IST1: variants seen among roughly 807,000 people sequenced by gnomAD.
The protein encoded by IST1 is IST1 homolog.
IST1 carries 23 observed loss-of-function variants against 37.0 expected under a neutral mutation model. The observed-to-expected ratio is 0.62, with a 90% CI of 0.45 to 0.88. The LOEUF (loss-of-function observed/expected upper bound fraction) is 0.88, where lower values mean the gene tolerates loss of function less well. Among genes scored for constraint, IST1 ranks in the 40% least tolerant of loss-of-function variants. The pLI is 0.00. For missense variants in IST1, 488 were observed against 445.4 expected (o/e 1.10, Z -0.86); for synonymous variants, 180 against 161.7 (o/e 1.11, Z -0.86).
intron 6 of IST1, 60 bp downstream of exon 6, chr16:71,921,513 A>C: frequency 2.2e-6 from 2 of 912,288 alleles, no homozygotes; most frequent in Non-Finnish European, 3.3e-6. Context: ...TCTTTGGAAA[A>C]CAAAAAAAAC....
chr16:71,927,501 A>AG (rs1052457753), intron 9 of IST1, 113 bp from the exon 10 acceptor site: 2 of 797,512 alleles, frequency 2.5e-6, no homozygotes, highest in Non-Finnish European at 4.1e-6. Flanking sequence ...AAAAAAAAAA[A>AG]AGTTTGTGAA....
At position 71,927,595 on chromosome 16, in the gene IST1, T is replaced by C. The variant is rs577945446; in HGVS notation, c.902-19T>C. 147 of 1,576,222 alleles carry C rather than the reference T, an allele frequency of 9.3e-5. No individual in the cohort carries two copies. In the South Asian group the frequency reaches 1.5e-3, roughly 16 times the overall value. ...CATTTCTCTGGTATTTGTAACGTTGTGCTCCTTGCCCTAATTAGGTCCTGG... is the reference window on the plus strand; with the variant it reads ...CATTTCTCTGGTATTTGTAACGTTGCGCTCCTTGCCCTAATTAGGTCCTGG... On this transcript the variant is annotated intron_variant, in intron 9 of 9. Transcript: ENST00000378799.
At chr16:71,913,298 C>G (rs189269534) in intron 1 of IST1, among the ~76,000 whole-genome samples, 1 of 151,730 alleles carries the variant, frequency 6.6e-6, no homozygotes, top group Non-Finnish European at 1.5e-5. Context: ...TTGATAGTAG[C>G]CATCCTAATG....
At chr16:71,908,387 C>A (rs1002885112) in intron 1 of IST1, among the ~76,000 whole-genome samples, 2 of 147,790 alleles carry the variant, frequency 1.4e-5, no homozygotes, top group African/African-American at 5.0e-5. Flanking sequence ...GCAACCTCCG[C>A]CTCCCCAGTT....
intron 5 of IST1, 173 bp downstream of exon 5, chr16:71,920,995 C>T: frequency 1.5e-6 from 1 of 658,360 alleles, no homozygotes; most frequent in Non-Finnish European, 2.8e-6. Context: ...TTACACCTGC[C>T]CAATTCCTCT....
At chr16:71,920,210 C>A (rs1322162595) in intron 4 of IST1, among the ~76,000 whole-genome samples, 1 of 152,200 alleles carries the variant, frequency 6.6e-6, no homozygotes, top group African/African-American at 2.4e-5. Flanking sequence ...AAGGAAGGGG[C>A]ATAGGCTGCG....
chr16:71,915,640 C>T lies in IST1; in HGVS notation c.-1C>T, dbSNP rs1377632600. 1.2e-6 allele frequency: 2 copies of T among 1,610,046 alleles called. No individual in the cohort carries two copies. Among genetic ancestry groups the T allele is most frequent in the East Asian group, 2.2e-5 (1 of 44,848 alleles). On this transcript the variant is annotated 5_prime_UTR_variant, in exon 2 of 10. Coordinates refer to ENST00000378799, the MANE Select transcript of IST1 (RefSeq NM_001270975.2). ...TCTGTTTCTAGGAGGAACAGCACAGCATGCTGGGCTCTGGATTTAAAGCTG... is the reference window on the plus strand; with the variant it reads ...TCTGTTTCTAGGAGGAACAGCACAGTATGCTGGGCTCTGGATTTAAAGCTG...
chr16:71,931,010 ATC>A lies in IST1; in HGVS notation c.*3201_*3202del, dbSNP rs1484137083. 1.3e-5 allele frequency: 2 copies of A among 152,216 alleles called. No individual in the cohort carries two copies. The highest frequency in any genetic ancestry group is 2.9e-5 in the Non-Finnish European group (2 of 68,040). The allele number at this position is 152,216 out of a possible 1,614,324, so 9.4% of individuals were successfully genotyped here. On this transcript the variant is annotated 3_prime_UTR_variant, in exon 10 of 10. Coordinates refer to ENST00000378799, the MANE Select transcript of IST1 (RefSeq NM_001270975.2). ...TCAGGTCAACCAGATAATGTGGGCAATCTCTGAGTTTGTGATACAAGACTTAT... is the reference window on the plus strand; with the variant it reads ...TCAGGTCAACCAGATAATGTGGGCAATCTGAGTTTGTGATACAAGACTTAT...
Position 71,927,715 on chromosome 16 carries a change from C to T in IST1, c.1003C>T (p.Leu335=), listed in dbSNP as rs1357711872. The part of the protein sequence containing the change: ...LPELPSVPDT[L]PTASAGASTS... ...AGAGTTGCCATCTGTGCCAGACACA[C>T]TACCAACTGCATCTGCTGGTGCCAG... The change falls in exon 10 of 10, where the codon CTA becomes TTA. Residue 335 remains leucine (L), a synonymous_variant. Coordinates refer to ENST00000378799, the MANE Select transcript of IST1 (RefSeq NM_001270975.2). 6.2e-7 allele frequency: 1 copy of T among 1,613,100 alleles called. No homozygotes were observed. Among genetic ancestry groups the T allele is most frequent in the Non-Finnish European group, 8.5e-7 (1 of 1,179,054 alleles).
intron 1 of IST1, among the ~76,000 whole-genome samples, chr16:71,911,840 C>T (rs996176598): frequency 5.3e-5 from 8 of 151,554 alleles, no homozygotes; most frequent in East Asian, 3.9e-4. Context: ...CTCCTGCCTC[C>T]GGAGTAGCTG....
intron 4 of IST1, among the ~76,000 whole-genome samples, chr16:71,920,456 T>C (rs930156263): frequency 6.6e-6 from 1 of 152,248 alleles, no homozygotes; most frequent in Non-Finnish European, 1.5e-5. Flanking sequence ...TTGTACAATT[T>C]GATTAATGTA....
chr16:71,910,866 G>T (rs2037338834), intron 1 of IST1, among the ~76,000 whole-genome samples: 1 of 152,056 alleles, frequency 6.6e-6, no homozygotes, highest in Admixed American at 6.6e-5. Flanking sequence ...ACTTTCCAGA[G>T]TTAACACCAT....
chr16:71,897,695 C>T (rs2037005272), intron 1 of IST1, among the ~76,000 whole-genome samples: 1 of 152,142 alleles, frequency 6.6e-6, no homozygotes, highest in Admixed American at 6.5e-5. Context: ...CCTGTAATCC[C>T]AGCACTTTGG....
upstream of IST1, chr16:71,894,869 A>G: frequency 6.6e-7 from 1 of 1,522,908 alleles, no homozygotes; most frequent in Non-Finnish European, 8.8e-7. Flanking sequence ...GTAACCAAGG[A>G]AAAAGTTTTC....
intron 1 of IST1, among the ~76,000 whole-genome samples, chr16:71,902,158 G>A (rs994904173): frequency 6.6e-6 from 1 of 152,154 alleles, no homozygotes; most frequent in African/African-American, 2.4e-5. Context: ...CAGCCCAAGA[G>A]GTGTGAAGGT....
rs2037815997 is a variant in IST1 at position 71,928,805 on chromosome 16, T to TATG, written c.*993_*995dup. 1 of 152,246 alleles carries TATG rather than the reference T, an allele frequency of 6.6e-6. No homozygotes were observed. Among genetic ancestry groups the TATG allele is most frequent in the South Asian group, 2.1e-4 (1 of 4,836 alleles). The allele number at this position is 152,246 out of a possible 1,614,324, so 9.4% of individuals were successfully genotyped here. A position where few individuals can be genotyped will look rare whatever the true frequency, so the allele number is the denominator to read the frequency against. ...TGCTTTCCTGGATGGATGGGACTCTTATGTCATAACTTCTGTTACTCCTTT... is the reference window on the plus strand; with the variant it reads ...TGCTTTCCTGGATGGATGGGACTCTTATGATGTCATAACTTCTGTTACTCCTTT... On this transcript the variant is annotated 3_prime_UTR_variant, in exon 10 of 10. Coordinates refer to ENST00000378799, the MANE Select transcript of IST1 (RefSeq NM_001270975.2).
In IST1 at chr16:71,924,792, G is replaced by A; in HGVS notation, c.876G>A (p.Lys292=). Residue 292 remains lysine, a synonymous_variant, in exon 9 of 10, where the codon AAG becomes AAA. Coordinates refer to ENST00000378799, the MANE Select transcript of IST1 (RefSeq NM_001270975.2). Reference sequence around the variant, plus strand: ...AGGTAGATGACATTAATGCTGATAAGAATATCTCTTCTGCACAGATTGTTG... The same window carrying A: ...AGGTAGATGACATTAATGCTGATAAAAATATCTCTTCTGCACAGATTGTTG... ...YESVDDINAD[K]NISSAQIVGP... 1 of 1,610,492 alleles carries A rather than the reference G, an allele frequency of 6.2e-7. No homozygotes were observed.
At chr16:71,897,153 A>G (rs1429831013) in intron 1 of IST1, among the ~76,000 whole-genome samples, 2 of 144,454 alleles carry the variant, frequency 1.4e-5, no homozygotes, top group South Asian at 2.2e-4. Flanking sequence ...AGTAGCTGAC[A>G]CTACAGGCCC....
In IST1 at chr16:71,920,936, A is replaced by C. The variant is rs748691332; in HGVS notation, c.441+114A>C. 5 of 804,074 alleles carry C rather than the reference A, an allele frequency of 6.2e-6. No homozygotes were observed. The Admixed American group carries it at 9.4e-5, about 15-fold the overall frequency. 49.8% of individuals were successfully genotyped at this position (804,074 alleles called of 1,614,324 possible). A position where few individuals can be genotyped will look rare whatever the true frequency, so the allele number is the denominator to read the frequency against. On this transcript the variant is annotated intron_variant, in intron 5 of 9. Transcript: ENST00000378799. ...TGCTCAGTATGGGGTTTCACCTTTC[A>C]TAGTGGGGTGAGGAGGACAGCTGTG... is the stretch of plus-strand genomic sequence containing the variant.
Sources: gnomAD v4.1 joint callset for allele counts (sites outside exome capture counted in the v4.1 genomes callset) on GRCh38, gnomAD v4.1.1 for gene constraint, MANE v1.5 for transcripts, NCBI Gene and HGNC (gene_info 2026-07-23, HGNC 2026-07-21) for gene names.